The following CTNNA3 variants were observed in gnomAD, a reference collection of about 807,000 sequenced individuals.
The protein encoded by CTNNA3 is catenin alpha-3.
A neutral mutation model predicts 95.7 loss-of-function variants in CTNNA3; 76 were observed. That is an observed-to-expected ratio of 0.79 (90% CI 0.66 to 0.96). The LOEUF (loss-of-function observed/expected upper bound fraction) is 0.96. Ranked by LOEUF, CTNNA3 falls within the 40% of genes least tolerant of loss-of-function variation. The pLI is 0.00. For synonymous variants in CTNNA3, 431 were observed against 374.4 expected (o/e 1.15, Z -1.74); for missense variants, 1,191 against 1,089.8 (o/e 1.09, Z -1.31).
intron 5 of CTNNA3, among the ~76,000 whole-genome samples, chr10:67,275,436 T>A (rs1428603222): frequency 6.6e-6 from 1 of 152,118 alleles, no homozygotes; most frequent in East Asian, 1.9e-4. Flanking sequence ...AACAGCTACA[T>A]ATTACCTGGA....
At chr10:66,840,372 T>TCTCTCTCTCTCA (rs1843023433) in intron 7 of CTNNA3, among the ~76,000 whole-genome samples, 1 of 71,378 alleles carries the variant, frequency 1.4e-5, no homozygotes, top group Non-Finnish European at 2.5e-5. Flanking sequence ...TCTCTCTCTC[T>TCTCTCTCTCTCA]CACACACACA....
intron 3 of CTNNA3, among the ~76,000 whole-genome samples, chr10:67,567,332 GC>G (rs1381954038): frequency 6.6e-6 from 1 of 151,444 alleles, no homozygotes; most frequent in African/African-American, 2.4e-5. Flanking sequence ...AGTGAAACAA[GC>G]CAGGGACAAA....
At chr10:67,033,360 T>C (rs1288439837) in intron 7 of CTNNA3, among the ~76,000 whole-genome samples, 1 of 152,192 alleles carries the variant, frequency 6.6e-6, no homozygotes, top group African/African-American at 2.4e-5. Flanking sequence ...AGCACAGTTA[T>C]GCAACACAAA....
At chr10:67,081,727 A>G (rs1039654717) in intron 7 of CTNNA3, among the ~76,000 whole-genome samples, 1 of 152,086 alleles carries the variant, frequency 6.6e-6, no homozygotes, top group African/African-American at 2.4e-5. Context: ...ATGCCTCTGC[A>G]CTTCTGCCTA....
chr10:66,029,238 A>T (rs1370184309), intron 15 of CTNNA3, among the ~76,000 whole-genome samples: 1 of 152,164 alleles, frequency 6.6e-6, no homozygotes. Context: ...AACCCTTTAA[A>T]AAATGTAATA....
At position 66,510,436 on chromosome 10, in the gene CTNNA3, A is replaced by G. The variant is rs533558657; in HGVS notation, c.1531+10181T>C. 1.7e-4 allele frequency among the ~76,000 whole-genome samples: 26 copies of G among 151,934 alleles called. 1 individual carries two copies. The highest frequency in any genetic ancestry group is 5.3e-4 in the African/African-American group (22 of 41,538). On this transcript the variant is annotated intron_variant, in intron 11 of 17. Coordinates refer to ENST00000433211, the MANE Select transcript of CTNNA3 (RefSeq NM_013266.4). The stretch of plus-strand genomic sequence containing the variant: ...GCTAGGACTTCTAGTACTATGTTGA[A>G]TAAGAGTAGTGAAAGTGAGCATCCT...
intron 1 of CTNNA3, among the ~76,000 whole-genome samples, chr10:67,664,017 T>C (rs1412302457): frequency 6.6e-6 from 1 of 152,204 alleles, no homozygotes; most frequent in Non-Finnish European, 1.5e-5. Flanking sequence ...ATCCAGTTAA[T>C]TTTGACCTTA....
chr10:66,567,336 C>T (rs1842743720), intron 10 of CTNNA3, among the ~76,000 whole-genome samples: 1 of 152,020 alleles, frequency 6.6e-6, no homozygotes, highest in African/African-American at 2.4e-5. Context: ...CTTCATTTCC[C>T]TGGCCTGGCG....
At chr10:66,607,472 CAAAAAAAAA>C (rs574854850) in intron 10 of CTNNA3, among the ~76,000 whole-genome samples, 2,762 of 45,480 alleles carry the variant, frequency 0.061, 99 homozygotes, top group South Asian at 0.25. Context: ...CAGAGACAAC[CAAAAAAAAA>C]AAAAAAAAAA....
intron 5 of CTNNA3, among the ~76,000 whole-genome samples, chr10:67,330,909 A>G (rs1048146809): frequency 1.1e-4 from 17 of 152,214 alleles, no homozygotes; most frequent in African/African-American, 4.1e-4. Flanking sequence ...ATCTGAATTC[A>G]AAATCCCTCC....
intron 17 of CTNNA3, among the ~76,000 whole-genome samples, chr10:65,944,630 T>C (rs2077481315): frequency 6.6e-6 from 1 of 152,190 alleles, no homozygotes; most frequent in African/African-American, 2.4e-5. Flanking sequence ...CACTCATATG[T>C]CCATGCATAT....
At chr10:67,512,611 C>A (rs1012371969) in intron 5 of CTNNA3, among the ~76,000 whole-genome samples, 1 of 151,716 alleles carries the variant, frequency 6.6e-6, no homozygotes, top group African/African-American at 2.4e-5. Flanking sequence ...TGTGTATCCA[C>A]GATAAAGTGG....
chr10:67,603,985 T>C (rs1213844502), intron 3 of CTNNA3, among the ~76,000 whole-genome samples: 4 of 152,190 alleles, frequency 2.6e-5, no homozygotes, highest in African/African-American at 9.7e-5. Context: ...TTTTATACCA[T>C]ATTTTTACTG....
intron 3 of CTNNA3, among the ~76,000 whole-genome samples, chr10:67,571,629 C>A (rs1323796795): frequency 6.6e-6 from 1 of 152,040 alleles, no homozygotes; most frequent in African/African-American, 2.4e-5. Flanking sequence ...GGCTGGGTGC[C>A]CAAGTAGCAG....
intron 16 of CTNNA3, among the ~76,000 whole-genome samples, chr10:65,978,002 C>G (rs1410812552): frequency 2.6e-5 from 4 of 151,978 alleles, no homozygotes; most frequent in Non-Finnish European, 4.4e-5. Context: ...ACCTGTAATG[C>G]CTTGTTTCAT....
intron 1 of CTNNA3, among the ~76,000 whole-genome samples, chr10:67,665,305 T>C (rs989216358): frequency 3.9e-5 from 6 of 152,218 alleles, no homozygotes; most frequent in Non-Finnish European, 4.4e-5. Context: ...CTCGGAAAAG[T>C]AGACATTTAA....
chr10:66,525,097 A>T (rs1185571623), intron 10 of CTNNA3, among the ~76,000 whole-genome samples: 1 of 151,974 alleles, frequency 6.6e-6, no homozygotes, highest in Admixed American at 6.6e-5. Flanking sequence ...AAAAATAAAC[A>T]GGCAAAAGCA....
chr10:67,471,753 C>A (rs1231887115), intron 5 of CTNNA3, among the ~76,000 whole-genome samples: 3 of 151,974 alleles, frequency 2.0e-5, no homozygotes, highest in Non-Finnish European at 2.9e-5. Context: ...ACATTTTGGC[C>A]TTAATTATGT....
intron 13 of CTNNA3, among the ~76,000 whole-genome samples, chr10:66,225,893 A>G (rs1165195683): frequency 6.6e-6 from 1 of 151,984 alleles, no homozygotes; most frequent in Non-Finnish European, 1.5e-5. Context: ...GTCTATTCAG[A>G]TATTTTGCTC....
Sources: gnomAD v4.1 joint callset for allele counts (sites outside exome capture counted in the v4.1 genomes callset) on GRCh38, gnomAD v4.1.1 for gene constraint, MANE v1.5 for transcripts, NCBI Gene and HGNC (gene_info 2026-07-23, HGNC 2026-07-21) for gene names.